AGBL4: variants seen among roughly 807,000 people sequenced by gnomAD.
AGBL4 encodes the protein cytosolic carboxypeptidase 6.
In AGBL4, 58 loss-of-function variants were observed where a neutral mutation model predicts 66.4. The ratio of observed to expected loss-of-function variants is 0.87; its 90% CI spans 0.71 to 1.09. The LOEUF is 1.09. AGBL4 is among the 50% of genes least tolerant of loss of function. AGBL4 has a pLI of 0.00. For synonymous variants in AGBL4, 234 were observed against 222.9 expected, an observed-to-expected ratio of 1.05 and a Z score of -0.44; for missense variants, 579 against 631.0, an observed-to-expected ratio of 0.92 and a Z score of 0.88.
intron 3 of AGBL4, among the ~76,000 whole-genome samples, chr1:49,689,711 T>C (rs994501035): frequency 3.3e-5 from 5 of 152,202 alleles, no homozygotes; most frequent in Non-Finnish European, 7.3e-5. Flanking sequence ...ACATGGAATA[T>C]CTTTCCTTTT....
At chr1:48,759,199 C>T (rs1644122542) in intron 6 of AGBL4, 1 of 1,611,716 alleles carries the variant, frequency 6.2e-7, no homozygotes, top group South Asian at 1.1e-5. Flanking sequence ...ATGGCCCAGG[C>T]TCAGGCCGTT....
At chr1:49,866,939 C>A (rs1047050445) in intron 1 of AGBL4, among the ~76,000 whole-genome samples, 2 of 152,056 alleles carry the variant, frequency 1.3e-5, no homozygotes, top group African/African-American at 2.4e-5. Flanking sequence ...TCTCCTGAGG[C>A]CTTGTAAGCC....
At chr1:49,553,679 C>T (rs978356132) in intron 3 of AGBL4, among the ~76,000 whole-genome samples, 12 of 152,036 alleles carry the variant, frequency 7.9e-5, no homozygotes, top group African/African-American at 2.9e-4. Flanking sequence ...TTATCCCTAC[C>T]TATATCAGAA....
intron 4 of AGBL4, among the ~76,000 whole-genome samples, chr1:49,243,779 G>C (rs1651421424): frequency 6.6e-6 from 1 of 151,742 alleles, no homozygotes; most frequent in Admixed American, 6.6e-5. Context: ...CCAAGTTCTG[G>C]GGATGGTAAG....
chr1:49,532,256 A>G (rs1464997774), intron 3 of AGBL4, among the ~76,000 whole-genome samples: 1 of 152,160 alleles, frequency 6.6e-6, no homozygotes, highest in Non-Finnish European at 1.5e-5. Flanking sequence ...TTCCTGAAAT[A>G]TAGAACATGC....
chr1:49,334,732 C>T (rs1645400156), intron 3 of AGBL4, among the ~76,000 whole-genome samples: 1 of 152,182 alleles, frequency 6.6e-6, no homozygotes. Flanking sequence ...AGATCCCCTA[C>T]CAACTATTTG....
chr1:49,910,125 T>G (rs1361149583), intron 1 of AGBL4, among the ~76,000 whole-genome samples: 3 of 152,034 alleles, frequency 2.0e-5, no homozygotes. Flanking sequence ...ATAGGAAAAT[T>G]TTCTAGAGTA....
At chr1:48,538,726 C>T (rs11205503) in intron 12 of AGBL4, among the ~76,000 whole-genome samples, 131 of 152,212 alleles carry the variant, frequency 8.6e-4, no homozygotes, top group Non-Finnish European at 1.5e-3. Context: ...CAATAAATAA[C>T]GGTGATTTAT....
At chr1:48,766,676 C>G (rs775453129) in intron 6 of AGBL4, among the ~76,000 whole-genome samples, 13 of 152,178 alleles carry the variant, frequency 8.5e-5, no homozygotes, top group Non-Finnish European at 1.0e-4. Flanking sequence ...TGCCTCTTGA[C>G]CTGGATCCTG....
chr1:49,812,418 T>C (rs1416486358), intron 2 of AGBL4, among the ~76,000 whole-genome samples: 1 of 152,146 alleles, frequency 6.6e-6, no homozygotes, highest in Non-Finnish European at 1.5e-5. Context: ...ACTTGTAGAT[T>C]TGGAGACAGA....
At chr1:49,741,755 T>C (rs1462113251) in intron 2 of AGBL4, among the ~76,000 whole-genome samples, 2 of 152,026 alleles carry the variant, frequency 1.3e-5, no homozygotes, top group African/African-American at 4.8e-5. Context: ...CATACGAAAA[T>C]CAATAAATGT....
chr1:49,444,655 C>T (rs1646112315), intron 3 of AGBL4, among the ~76,000 whole-genome samples: 2 of 151,832 alleles, frequency 1.3e-5, no homozygotes, highest in South Asian at 2.1e-4. Context: ...TACTTCTAGT[C>T]TATATGCATT....
At chr1:49,313,637 T>G (rs905164126) in intron 3 of AGBL4, among the ~76,000 whole-genome samples, 2 of 152,148 alleles carry the variant, frequency 1.3e-5, no homozygotes, top group Admixed American at 6.6e-5. Flanking sequence ...GATGATGAGC[T>G]TTTTTTCATA....
At chr1:48,810,217 C>T (rs142306484) in intron 6 of AGBL4, among the ~76,000 whole-genome samples, 2 of 152,344 alleles carry the variant, frequency 1.3e-5, no homozygotes, top group East Asian at 3.9e-4. Flanking sequence ...TGCTTCTGAT[C>T]TGGGGATACA....
chr1:48,725,210 T>G (rs1304835084), intron 6 of AGBL4, among the ~76,000 whole-genome samples: 1 of 152,210 alleles, frequency 6.6e-6, no homozygotes, highest in African/African-American at 2.4e-5. Context: ...AATACTCTTA[T>G]CCTTTATTTT....
chr1:49,333,913 G>T (rs1305516992), intron 3 of AGBL4, among the ~76,000 whole-genome samples: 2 of 152,082 alleles, frequency 1.3e-5, no homozygotes, highest in African/African-American at 2.4e-5. Flanking sequence ...AGAGAACTTT[G>T]GTTAAGCCTG....
chr1:49,938,292 C>T (rs1387238717), intron 1 of AGBL4, among the ~76,000 whole-genome samples: 1 of 152,076 alleles, frequency 6.6e-6, no homozygotes, highest in Non-Finnish European at 1.5e-5. Flanking sequence ...CAAGACTAAA[C>T]CAGGAAGAAG....
At chr1:48,934,628 G>C (rs963415178) in intron 5 of AGBL4, among the ~76,000 whole-genome samples, 1 of 151,954 alleles carries the variant, frequency 6.6e-6, no homozygotes, top group African/African-American at 2.4e-5. Context: ...CTTATCCCAG[G>C]AAAGGGCATC....
At chr1:49,877,462 T>G (rs1647051899) in intron 1 of AGBL4, among the ~76,000 whole-genome samples, 1 of 151,476 alleles carries the variant, frequency 6.6e-6, no homozygotes, top group African/African-American at 2.4e-5. Flanking sequence ...GGATTACATT[T>G]ATTGATTTGC....
Sources: allele counts gnomAD v4.1 joint callset (sites outside exome capture counted in the v4.1 genomes callset), GRCh38; gene constraint gnomAD v4.1.1; transcripts MANE v1.5; gene names NCBI Gene and HGNC (gene_info 2026-07-23, HGNC 2026-07-21).